Variants in DSCAM observed in about 807,000 individuals in gnomAD.
The protein encoded by DSCAM is cell adhesion molecule DSCAM.
A neutral mutation model predicts 217.7 loss-of-function variants in DSCAM; 47 were observed. That is an observed-to-expected ratio of 0.22 (90% CI 0.17 to 0.28). DSCAM has a LOEUF of 0.28. Among genes scored for constraint, DSCAM ranks in the 10% least tolerant of loss-of-function variants. The pLI is 1.00. For missense variants in DSCAM, 2,080 were observed against 2,618.3 expected, an observed-to-expected ratio of 0.79 and a Z score of 4.49; for synonymous variants, 1,056 against 1,015.3, an observed-to-expected ratio of 1.04 and a Z score of -0.76.
chr21:40,088,942 T>C (rs76741847), intron 21 of DSCAM, among the ~76,000 whole-genome samples: 2,610 of 152,348 alleles, frequency 0.017, 83 homozygotes, highest in African/African-American at 0.059. Context: ...GACTTCACTG[T>C]ATGTGATGCA....
At chr21:40,106,093 G>A (rs569159473) in intron 20 of DSCAM, among the ~76,000 whole-genome samples, 2 of 152,322 alleles carry the variant, frequency 1.3e-5, no homozygotes, top group South Asian at 2.1e-4. Context: ...TAAAATCATG[G>A]CAGAAGGCGA....
intron 3 of DSCAM, among the ~76,000 whole-genome samples, chr21:40,489,657 C>T (rs1470982452): frequency 2.0e-5 from 3 of 150,622 alleles, no homozygotes; most frequent in Non-Finnish European, 3.0e-5. Flanking sequence ...CGCCTGTAGT[C>T]CCAGCTACTC....
chr21:40,617,439 G>A (rs2089417946), intron 3 of DSCAM, among the ~76,000 whole-genome samples: 1 of 152,046 alleles, frequency 6.6e-6, no homozygotes, highest in Non-Finnish European at 1.5e-5. Context: ...TGAGTCTTGA[G>A]TAAATGTTGC....
chr21:40,238,289 T>C (rs74588444), intron 11 of DSCAM, among the ~76,000 whole-genome samples: 1,717 of 152,294 alleles, frequency 0.011, 22 homozygotes, highest in African/African-American at 0.04. Context: ...AAACGACCCT[T>C]GGACATATTT....
At chr21:40,038,716 A>G (rs2088680157) in intron 32 of DSCAM, among the ~76,000 whole-genome samples, 2 of 138,462 alleles carry the variant, frequency 1.4e-5, no homozygotes, top group African/African-American at 2.8e-5. Context: ...ACACATGCAC[A>G]CATATGTTTA....
intron 3 of DSCAM, among the ~76,000 whole-genome samples, chr21:40,657,696 T>C (rs1601827317): frequency 6.6e-6 from 1 of 152,036 alleles, no homozygotes; most frequent in African/African-American, 2.4e-5. Flanking sequence ...CCCGCAGGAG[T>C]ACCCATGCTG....
chr21:40,490,296 G>A (rs1318563868), intron 3 of DSCAM, among the ~76,000 whole-genome samples: 1 of 152,104 alleles, frequency 6.6e-6, no homozygotes, highest in Non-Finnish European at 1.5e-5. Flanking sequence ...ATATCAGTAG[G>A]TCTATGTGAT....
At chr21:40,300,550 CTG>C (rs2074004025) in intron 9 of DSCAM, among the ~76,000 whole-genome samples, 1 of 152,222 alleles carries the variant, frequency 6.6e-6, no homozygotes, top group African/African-American at 2.4e-5. Context: ...CCTCTCTTTG[CTG>C]TCTCAGGCCT....
chr21:40,070,721 A>G (rs2837420), intron 27 of DSCAM, among the ~76,000 whole-genome samples: 31,132 of 152,076 alleles, frequency 0.2, 3,336 homozygotes, highest in African/African-American at 0.25. Context: ...TGGTTTTCCA[A>G]ATGAGGGGAG....
At chr21:40,841,324 G>C (rs1186152817) in intron 1 of DSCAM, among the ~76,000 whole-genome samples, 4 of 152,064 alleles carry the variant, frequency 2.6e-5, no homozygotes, top group African/African-American at 9.7e-5. Context: ...ACGACATAGT[G>C]GATACTCCGT....
chr21:40,015,391 T>C lies in DSCAM; in HGVS notation c.5687-2005A>G, dbSNP rs114995388. On this transcript the variant is annotated intron_variant, in intron 32 of 32. Coordinates refer to ENST00000400454, the MANE Select transcript of DSCAM (RefSeq NM_001389.5). Reference sequence around the variant, plus strand: ...ACTGACACCTTTCTCTCCAGGTTAATTCTACCGGCAAAATATCTCTTGACT... The same window carrying C: ...ACTGACACCTTTCTCTCCAGGTTAACTCTACCGGCAAAATATCTCTTGACT... Among the ~76,000 whole-genome samples, 1,184 of 150,984 alleles carry C rather than the reference T, an allele frequency of 7.8e-3. 14 individuals carry two copies. Among genetic ancestry groups the C allele is most frequent in the African/African-American group, 0.026 (1,064 of 41,092 alleles).
intron 14 of DSCAM, among the ~76,000 whole-genome samples, chr21:40,186,467 C>T (rs188967446): frequency 5.3e-5 from 8 of 152,280 alleles, no homozygotes; most frequent in Admixed American, 2.0e-4. Context: ...ATTCTACCCT[C>T]GCCCAATGCA....
At chr21:40,218,138 C>T (rs771503123) in intron 11 of DSCAM, among the ~76,000 whole-genome samples, 27 of 151,852 alleles carry the variant, frequency 1.8e-4, no homozygotes, top group Non-Finnish European at 3.7e-4. Flanking sequence ...TTGGGTTTTA[C>T]GTCTTTAATC....
intron 16 of DSCAM, among the ~76,000 whole-genome samples, chr21:40,145,351 G>C (rs1285577833): frequency 3.3e-5 from 5 of 152,156 alleles, no homozygotes; most frequent in Non-Finnish European, 7.4e-5. Context: ...ACTGGCATGG[G>C]AAGGTGAGTG....
chr21:40,296,376 A>G (rs2073954314), intron 9 of DSCAM, among the ~76,000 whole-genome samples: 1 of 152,244 alleles, frequency 6.6e-6, no homozygotes, highest in Non-Finnish European at 1.5e-5. Context: ...ATTCATATCA[A>G]TGAGCTTTTG....
At chr21:40,338,487 A>G in intron 7 of DSCAM, 111 bp from the exon 8 acceptor site, 1 of 1,160,078 alleles carries the variant, frequency 8.6e-7, no homozygotes, top group Non-Finnish European at 1.2e-6. Flanking sequence ...ATGTAAGCAC[A>G]TCTTTTTCAG....
intron 20 of DSCAM, among the ~76,000 whole-genome samples, chr21:40,109,673 G>A (rs2089869486): frequency 6.6e-6 from 1 of 152,230 alleles, no homozygotes; most frequent in African/African-American, 2.4e-5. Context: ...CCTAGTTAAA[G>A]AAAGGGGTGA....
chr21:40,397,453 CATG>C (rs2075190025), intron 3 of DSCAM, among the ~76,000 whole-genome samples: 1 of 152,066 alleles, frequency 6.6e-6, no homozygotes, highest in South Asian at 2.1e-4. Context: ...TGCCTTCCAC[CATG>C]ATGAGAAGCT....
intron 3 of DSCAM, among the ~76,000 whole-genome samples, chr21:40,647,615 G>C (rs745331731): frequency 1.1e-4 from 16 of 152,202 alleles, no homozygotes; most frequent in Non-Finnish European, 1.2e-4. Flanking sequence ...TGCTAGCACA[G>C]TTATAAGACA....
Sources: allele counts gnomAD v4.1 joint callset (sites outside exome capture counted in the v4.1 genomes callset), GRCh38; gene constraint gnomAD v4.1.1; transcripts MANE v1.5; gene names NCBI Gene and HGNC (gene_info 2026-07-23, HGNC 2026-07-21).